HNF1B: variants seen among roughly 807,000 people sequenced by gnomAD.
HNF1B encodes the protein HNF1 homeobox B.
Under a neutral mutation model 61.7 loss-of-function variants are expected in HNF1B, and 8 were observed. That is an observed-to-expected ratio of 0.13 (90% CI 0.08 to 0.23). The LOEUF (loss-of-function observed/expected upper bound fraction) is 0.23. HNF1B is among the 10% of genes least tolerant of loss of function. HNF1B has a pLI of 1.00. For synonymous variants in HNF1B, 314 were observed against 287.7 expected, an observed-to-expected ratio of 1.09 and a Z score of -0.93; for missense variants, 562 against 714.5, an observed-to-expected ratio of 0.79 and a Z score of 2.43.
At chr17:37,713,970 T>C (rs1322777962) in intron 4 of HNF1B, among the ~76,000 whole-genome samples, 1 of 152,148 alleles carries the variant, frequency 6.6e-6, no homozygotes, top group African/African-American at 2.4e-5. Flanking sequence ...TTTCAAAAAC[T>C]CAGAAGAGCA....
intron 2 of HNF1B, among the ~76,000 whole-genome samples, chr17:37,737,341 C>T (rs920749193): frequency 3.3e-4 from 50 of 152,202 alleles, no homozygotes; most frequent in Non-Finnish European, 7.3e-5. Context: ...ATCTTTATAA[C>T]AGCTCTTAGA....
In HNF1B at chr17:37,744,912, G is replaced by A. The variant is rs757704803; in HGVS notation, c.-28C>T. On this transcript the variant is annotated 5_prime_UTR_variant, in exon 1 of 9. Transcript: ENST00000617811. ...TCCAAGGACGGAAAAAGAAGGGGGTGAGGGGGTGGGTGGGTGCGAGAGAGG... is the reference window on the plus strand; with the variant it reads ...TCCAAGGACGGAAAAAGAAGGGGGTAAGGGGGTGGGTGGGTGCGAGAGAGG... 12 of 1,378,848 alleles carry A rather than the reference G, an allele frequency of 8.7e-6. No individual in the cohort carries two copies. In the South Asian group the frequency reaches 1.3e-4, roughly 15 times the overall value. The allele number at this position is 1,378,848 out of a possible 1,614,324, so 85.4% of individuals were successfully genotyped here. A position where few individuals can be genotyped will look rare whatever the true frequency, so the allele number is the denominator to read the frequency against.
At chr17:37,722,685 C>T (rs561699225) in intron 4 of HNF1B, among the ~76,000 whole-genome samples, 1 of 152,184 alleles carries the variant, frequency 6.6e-6, no homozygotes, top group South Asian at 2.1e-4. Flanking sequence ...AGCATCGAGT[C>T]CCCCCTTGCC....
intron 4 of HNF1B, among the ~76,000 whole-genome samples, chr17:37,718,857 A>G (rs2033211513): frequency 6.6e-6 from 1 of 152,204 alleles, no homozygotes; most frequent in South Asian, 2.1e-4. Flanking sequence ...TGATGACTCC[A>G]CATCACTTTC....
intron 4 of HNF1B, among the ~76,000 whole-genome samples, chr17:37,723,870 G>A (rs1360452219): frequency 6.6e-6 from 1 of 152,160 alleles, no homozygotes; most frequent in African/African-American, 2.4e-5. Flanking sequence ...TCCAGCATCT[G>A]CATGAGTGGA....
chr17:37,740,450 T>C (rs1167559303), intron 1 of HNF1B, among the ~76,000 whole-genome samples: 1 of 152,214 alleles, frequency 6.6e-6, no homozygotes, highest in Non-Finnish European at 1.5e-5. Context: ...ATTATTTTCC[T>C]TTTGAATGGG....
intron 4 of HNF1B, among the ~76,000 whole-genome samples, chr17:37,711,622 A>T (rs1255249485): frequency 6.6e-6 from 1 of 152,236 alleles, no homozygotes; most frequent in Non-Finnish European, 1.5e-5. Flanking sequence ...CCCATGAAAC[A>T]GTCAAGGACA....
At chr17:37,722,717 A>C (rs1024742700) in intron 4 of HNF1B, among the ~76,000 whole-genome samples, 13 of 152,188 alleles carry the variant, frequency 8.5e-5, no homozygotes, top group Admixed American at 4.6e-4. Flanking sequence ...CAGTGGCTGA[A>C]CTCACGCAAG....
chr17:37,744,668 G>A lies in HNF1B; in HGVS notation c.217C>T (p.Arg73Cys), dbSNP rs2034115909. 4 of 1,613,368 alleles carry A rather than the reference G, an allele frequency of 2.5e-6. No homozygotes were observed. Among genetic ancestry groups the A allele is most frequent in the Non-Finnish European group, 3.4e-6 (4 of 1,180,030 alleles). ...TCGGAGCCCTCGTCGCCGGACAAGC[G>A]GCCCTTGGCGTGGCCGTTGGTGAGA... ...HTLTNGHAKG[R>C]LSGDEGSEDG... The change falls in exon 1 of 9, where the codon CGC becomes TGC. Residue 73 changes from arginine to cysteine, a missense_variant. By Grantham distance (180) the Arg-to-Cys change is radical. Coordinates refer to ENST00000617811, the MANE Select transcript of HNF1B (RefSeq NM_000458.4).
chr17:37,727,118 C>G (rs1250877922), intron 4 of HNF1B, among the ~76,000 whole-genome samples: 1 of 152,210 alleles, frequency 6.6e-6, no homozygotes, highest in Non-Finnish European at 1.5e-5. Context: ...CCTCCTCCTC[C>G]TCGAGCCAAT....
Position 37,717,109 on chromosome 17 carries a change from G to A in HNF1B, c.1046-6446C>T, listed in dbSNP as rs115433927. Among the ~76,000 whole-genome samples the A allele has an allele frequency of 3.7e-3, 570 of 152,262 alleles. 2 individuals are homozygous for A. The highest frequency in any genetic ancestry group is 0.013 in the African/African-American group (543 of 41,538). On this transcript the variant is annotated intron_variant, in intron 4 of 8. Coordinates refer to ENST00000617811, the MANE Select transcript of HNF1B (RefSeq NM_000458.4). ...AGTAAGAAGAAATGAGGAAAGTGGG[G>A]ATTCCTGGGCAATGTGGGGCTCAGC... is the stretch of plus-strand genomic sequence containing the variant.
intron 2 of HNF1B, among the ~76,000 whole-genome samples, chr17:37,738,730 GA>G (rs902450896): frequency 1.4e-4 from 21 of 152,064 alleles, no homozygotes; most frequent in African/African-American, 5.1e-4. Flanking sequence ...TCTTGGGACA[GA>G]AAAAAAACTT....
At chr17:37,709,540 G>A (rs1014339068) in intron 5 of HNF1B, among the ~76,000 whole-genome samples, 1 of 152,140 alleles carries the variant, frequency 6.6e-6, no homozygotes, top group Non-Finnish European at 1.5e-5. Context: ...ACAGGTATGA[G>A]CCACTGCACC....
intron 4 of HNF1B, among the ~76,000 whole-genome samples, chr17:37,715,560 C>T (rs1299008762): frequency 6.6e-6 from 1 of 152,160 alleles, no homozygotes; most frequent in African/African-American, 2.4e-5. Flanking sequence ...AACAATGCTC[C>T]TGTGTGTACA....
intron 8 of HNF1B, among the ~76,000 whole-genome samples, chr17:37,689,767 A>T (rs1396205011): frequency 6.6e-6 from 1 of 152,210 alleles, no homozygotes; most frequent in Non-Finnish European, 1.5e-5. Flanking sequence ...TCGACATCCT[A>T]CTGTGTGCCA....
chr17:37,710,441 T>C, intron 5 of HNF1B, 62 bp downstream of exon 5: 1 of 1,580,012 alleles, frequency 6.3e-7, no homozygotes, highest in East Asian at 2.2e-5. Context: ...TTGTGAGAAG[T>C]TGTGTTTGTT....
At chr17:37,744,428 C>T in intron 1 of HNF1B, 113 bp downstream of exon 1, 1 of 1,117,868 alleles carries the variant, frequency 8.9e-7, no homozygotes. Flanking sequence ...CCCCGGGGGA[C>T]TTCTCTGGTG....
chr17:37,702,421 G>A (rs947519232), intron 6 of HNF1B, among the ~76,000 whole-genome samples: 3 of 152,108 alleles, frequency 2.0e-5, no homozygotes, highest in African/African-American at 7.2e-5. Context: ...TGGGGGCTGG[G>A]GGTGCCACCC....
intron 5 of HNF1B, among the ~76,000 whole-genome samples, chr17:37,709,757 C>G (rs888921151): frequency 1.3e-5 from 2 of 152,170 alleles, no homozygotes. Context: ...CAGAGTATTT[C>G]TCAAATGTTA....
Sources: gnomAD v4.1 joint callset for allele counts (sites outside exome capture counted in the v4.1 genomes callset) on GRCh38, gnomAD v4.1.1 for gene constraint, MANE v1.5 for transcripts, NCBI Gene and HGNC (gene_info 2026-07-23, HGNC 2026-07-21) for gene names.